The following TBC1D5 variants were observed in gnomAD, a reference collection of about 807,000 sequenced individuals.
TBC1D5 encodes TBC1 domain family member 5.
In TBC1D5, 75 loss-of-function variants were observed where a neutral mutation model predicts 100.3. The observed-to-expected ratio is 0.75, with a 90% CI of 0.62 to 0.91. The LOEUF is 0.91. Ranked by LOEUF, TBC1D5 falls within the 40% of genes least tolerant of loss-of-function variation. The probability of loss-of-function intolerance (pLI) is 0.00; values close to 1 mark genes in which losing one functional copy is unlikely to be tolerated. For missense variants in TBC1D5, 910 were observed against 942.4 expected, an observed-to-expected ratio of 0.97 and a Z score of 0.45; for synonymous variants, 323 against 325.6, an observed-to-expected ratio of 0.99 and a Z score of 0.09.
chr3:17,193,149 C>T (rs1408542800), intron 18 of TBC1D5, among the ~76,000 whole-genome samples: 1 of 152,194 alleles, frequency 6.6e-6, no homozygotes, highest in Non-Finnish European at 1.5e-5. Context: ...CCCGGTGAGG[C>T]ATGAGTCAGG....
rs1157656596 is a variant in TBC1D5 at position 17,453,092 on chromosome 3, AAAAAG to A, written c.98-24578_98-24574del. Among the ~76,000 whole-genome samples the A allele has an allele frequency of 3.3e-5, 5 of 151,532 alleles. No homozygotes were observed. In the East Asian group the frequency reaches 7.7e-4, roughly 23 times the overall value. ...TCAATGAAGAAATAAAAAAAAAAAA[AAAAAG>A]AAAAGTGTCTTGAAACAAATGATAA... On this transcript the variant is annotated intron_variant, in intron 3 of 21. Transcript: ENST00000253692.
chr3:17,189,630 A>C (rs2069616405), intron 18 of TBC1D5, among the ~76,000 whole-genome samples: 1 of 152,202 alleles, frequency 6.6e-6, no homozygotes, highest in African/African-American at 2.4e-5. Context: ...CCGACATAAA[A>C]TATGGCCTAC....
At chr3:17,403,434 T>C (rs1191101987) in intron 7 of TBC1D5, among the ~76,000 whole-genome samples, 186 bp from the exon 8 acceptor site, 1 of 152,102 alleles carries the variant, frequency 6.6e-6, no homozygotes, top group Non-Finnish European at 1.5e-5. Context: ...CACATCTTTA[T>C]TCTAACATCA....
chr3:17,482,002 A>G (rs966185511), intron 3 of TBC1D5, among the ~76,000 whole-genome samples: 2 of 152,184 alleles, frequency 1.3e-5, no homozygotes, highest in African/African-American at 2.4e-5. Context: ...TGGCTTCCCA[A>G]AGTGCTGGGA....
chr3:17,601,070 C>G (rs1447202779), intron 2 of TBC1D5, among the ~76,000 whole-genome samples: 1 of 152,172 alleles, frequency 6.6e-6, no homozygotes, highest in African/African-American at 2.4e-5. Context: ...TCTGGGCCAT[C>G]TCCTAAACAC....
At chr3:17,167,678 C>T (rs968814497) in intron 20 of TBC1D5, 71 bp downstream of exon 21, 12 of 1,373,370 alleles carry the variant, frequency 8.7e-6, no homozygotes, top group African/African-American at 4.3e-5. Flanking sequence ...CATCATGGTG[C>T]TCCATGCCCT....
chr3:17,637,616 G>C (rs1312212746), intron 1 of TBC1D5, among the ~76,000 whole-genome samples: 1 of 150,860 alleles, frequency 6.6e-6, no homozygotes, highest in South Asian at 2.1e-4. Flanking sequence ...GACAAAAAGT[G>C]AACAAAAAAA....
At chr3:17,181,233 T>C (rs1575781967) in intron 19 of TBC1D5, among the ~76,000 whole-genome samples, 1 of 152,200 alleles carries the variant, frequency 6.6e-6, no homozygotes, top group Non-Finnish European at 1.5e-5. Flanking sequence ...CATCATTTGA[T>C]AGAGGAATAT....
At chr3:17,248,094 C>T (rs1458859919) in intron 16 of TBC1D5, among the ~76,000 whole-genome samples, 2 of 151,746 alleles carry the variant, frequency 1.3e-5, no homozygotes, top group Admixed American at 6.6e-5. Flanking sequence ...CGGGTTCAAG[C>T]GATTCTCCTG....
At chr3:17,500,883 GGTCTTTCAA>G (rs2095779404) in intron 3 of TBC1D5, among the ~76,000 whole-genome samples, 1 of 149,192 alleles carries the variant, frequency 6.7e-6, no homozygotes, top group African/African-American at 2.6e-5. Flanking sequence ...TCTAACTCAT[GGTCTTTCAA>G]ACTGAAGTCT....
At chr3:17,415,890 C>T (rs538154836) in intron 4 of TBC1D5, among the ~76,000 whole-genome samples, 29 of 152,232 alleles carry the variant, frequency 1.9e-4, no homozygotes, top group South Asian at 8.3e-4. Flanking sequence ...TTTGCAATAA[C>T]TGGCAAGGGC....
chr3:17,246,621 C>A (rs1046301883), intron 16 of TBC1D5, among the ~76,000 whole-genome samples: 1 of 152,124 alleles, frequency 6.6e-6, no homozygotes, highest in African/African-American at 2.4e-5. Flanking sequence ...AACCAATGAT[C>A]CAATTTAATT....
chr3:17,269,154 T>C (rs187406077), intron 15 of TBC1D5, among the ~76,000 whole-genome samples: 5 of 152,160 alleles, frequency 3.3e-5, no homozygotes, highest in African/African-American at 1.2e-4. Context: ...CAGCCCTGGA[T>C]AGGAGTAACA....
At chr3:17,319,987 A>G (rs941216597) in intron 13 of TBC1D5, among the ~76,000 whole-genome samples, 1 of 152,236 alleles carries the variant, frequency 6.6e-6, no homozygotes, top group African/African-American at 2.4e-5. Flanking sequence ...CTTGCTCTTT[A>G]TTATGGTTGT....
chr3:17,591,228 T>C (rs2096766043), intron 2 of TBC1D5, among the ~76,000 whole-genome samples: 1 of 22,142 alleles, frequency 4.5e-5, no homozygotes, highest in Non-Finnish European at 9.7e-5. Flanking sequence ...AAAGAAAGGA[T>C]CTGTCAAAAA....
At chr3:17,658,333 T>C (rs1488070648) in intron 1 of TBC1D5, among the ~76,000 whole-genome samples, 1 of 152,200 alleles carries the variant, frequency 6.6e-6, no homozygotes, top group African/African-American at 2.4e-5. Context: ...ATAAAGATTA[T>C]AGCATCACTC....
At chr3:17,262,489 T>G (rs2078407431) in intron 15 of TBC1D5, among the ~76,000 whole-genome samples, 3 of 150,450 alleles carry the variant, frequency 2.0e-5, no homozygotes, top group Admixed American at 2.0e-4. Flanking sequence ...TTTTTTTTTT[T>G]TTTTTTTTTT....
intron 19 of TBC1D5, among the ~76,000 whole-genome samples, chr3:17,170,709 G>A (rs1207802284): frequency 6.6e-6 from 1 of 152,040 alleles, no homozygotes; most frequent in Non-Finnish European, 1.5e-5. Flanking sequence ...AAATGTACAG[G>A]AACACAAAGC....
intron 2 of TBC1D5, among the ~76,000 whole-genome samples, chr3:17,509,556 T>C (rs1383766051): frequency 6.6e-6 from 1 of 152,082 alleles, no homozygotes; most frequent in African/African-American, 2.4e-5. Flanking sequence ...ATTTGCTTGG[T>C]AACTACTGAG....
Sources: allele counts gnomAD v4.1 joint callset (sites outside exome capture counted in the v4.1 genomes callset), GRCh38; gene constraint gnomAD v4.1.1; transcripts MANE v1.5; gene names NCBI Gene and HGNC (gene_info 2026-07-23, HGNC 2026-07-21).